Variants in MCF2L observed in about 807,000 individuals in gnomAD.
The protein encoded by MCF2L is MCF.2 cell line derived transforming sequence like.
In MCF2L, 97 loss-of-function variants were observed where a neutral mutation model predicts 153.4. The ratio of observed to expected loss-of-function variants is 0.63; its 90% CI spans 0.54 to 0.75. The LOEUF is 0.75. Among genes scored for constraint, MCF2L ranks in the 30% least tolerant of loss-of-function variants. The pLI, the probability that MCF2L is intolerant of heterozygous loss-of-function variation, is 0.00. For synonymous variants in MCF2L, 659 were observed against 632.2 expected (o/e 1.04, Z -0.64); for missense variants, 1,347 against 1,495.2 (o/e 0.90, Z 1.64).
At chr13:112,956,440 C>T (rs1216991055) in intron 2 of MCF2L, 1 of 152,228 alleles carries the variant, frequency 6.6e-6, no homozygotes, top group Non-Finnish European at 1.5e-5. Flanking sequence ...TGAAACCTCA[C>T]TGTTTAAAGA....
At chr13:112,963,601 C>G (rs929921431) in intron 2 of MCF2L, among the ~76,000 whole-genome samples, 21 of 152,204 alleles carry the variant, frequency 1.4e-4, no homozygotes, top group African/African-American at 4.8e-4. Flanking sequence ...TGTCTTGGTC[C>G]CTTTCCTGCT....
intron 1 of MCF2L, among the ~76,000 whole-genome samples, chr13:112,984,246 T>G (rs1417112609): frequency 6.6e-6 from 1 of 152,132 alleles, no homozygotes; most frequent in Non-Finnish European, 1.5e-5. Flanking sequence ...TCTCCTTTTT[T>G]TTTTTTTGAG....
intron 1 of MCF2L, among the ~76,000 whole-genome samples, chr13:112,988,040 A>G (rs879686655): frequency 2.0e-5 from 3 of 152,244 alleles, no homozygotes; most frequent in Non-Finnish European, 4.4e-5. Context: ...GAAGAGAGTC[A>G]CAGGGTCAGG....
rs1455249579 is a variant in MCF2L at position 113,051,075 on chromosome 13, C to G, written c.369+5714C>G. Among the ~76,000 whole-genome samples, 5 of 152,176 alleles carry G rather than the reference C, an allele frequency of 3.3e-5. No individual in the cohort carries two copies. In the East Asian group the frequency reaches 9.6e-4, roughly 29 times the overall value. The stretch of plus-strand genomic sequence containing the variant: ...GTGTGGCTGAGCTTTCTCAGAACAC[C>G]GCTGCTGTGTGCAGCAAGCACCTGC... On this transcript the variant is annotated intron_variant, in intron 4 of 29. Coordinates refer to ENST00000535094, the MANE Select transcript of MCF2L (RefSeq NM_001112732.3).
rs1056730379 is a variant in MCF2L, at chr13:112,977,782, G to A, written c.79+8324G>A. On this transcript the variant is annotated intron_variant, in intron 1 of 29. Transcript: ENST00000535094. ...TTCCGTGAATACAAAGCCTGTCTGC[G>A]TCTGTCCTTGTGGATGAAACCAACA... 7.9e-4 allele frequency among the ~76,000 whole-genome samples: 120 copies of A among 152,316 alleles called. 1 individual carries two copies. The highest frequency in any genetic ancestry group is 1.0e-4 in the Non-Finnish European group (7 of 68,032).
Position 113,064,695 on chromosome 13 carries a change from G to A in MCF2L, c.607-241G>A, listed in dbSNP as rs2032086964. The stretch of plus-strand genomic sequence containing the variant: ...TTGCAACACTCACTGCTCTCAACGG[G>A]GAGAGGCAGCGCAGGCACAGGCGAC... On this transcript the variant is annotated intron_variant, in intron 6 of 29. Coordinates refer to ENST00000535094, the MANE Select transcript of MCF2L (RefSeq NM_001112732.3). This position sits in a 1 kb window ranked among gnomAD's most constrained non-coding sequence, Gnocchi z 6.0. The A allele has an allele frequency of 1.7e-6, 1 of 599,862 alleles. No individual in the cohort carries two copies. Among genetic ancestry groups the A allele is most frequent in the Non-Finnish European group, 2.9e-6 (1 of 339,760 alleles). The allele number at this position is 599,862 out of a possible 1,614,324, so 37.2% of individuals were successfully genotyped here.
intron 21 of MCF2L, among the ~76,000 whole-genome samples, chr13:113,086,519 C>T (rs2034652374): frequency 6.6e-6 from 1 of 152,190 alleles, no homozygotes; most frequent in Non-Finnish European, 1.5e-5. Context: ...GCATCTCCAG[C>T]AGGAACGCAG....
intron 26 of MCF2L, chr13:113,090,494 C>T (rs2035103613): frequency 1.0e-6 from 1 of 984,640 alleles, no homozygotes; most frequent in South Asian, 4.7e-5. Context: ...GGGTGCTGAC[C>T]TTGCTGGCTG....
At chr13:113,094,332 T>G in intron 26 of MCF2L, 182 bp from the exon 27 acceptor site, 1 of 476,826 alleles carries the variant, frequency 2.1e-6, no homozygotes. Context: ...GTGCCAGGCA[T>G]TCTGGAAGTT....
intron 1 of MCF2L, among the ~76,000 whole-genome samples, chr13:112,900,885 G>T (rs2081113526): frequency 6.6e-6 from 1 of 151,144 alleles, no homozygotes; most frequent in African/African-American, 2.4e-5. Flanking sequence ...GCGCCTGTGG[G>T]GTGGTCTGGG....
Position 113,078,706 on chromosome 13 carries a change from GGGA to G in MCF2L, c.1785_1787del (p.Glu596del), listed in dbSNP as rs759372201. On this transcript the variant is annotated inframe_deletion, in exon 15 of 30. Coordinates refer to ENST00000535094, the MANE Select transcript of MCF2L (RefSeq NM_001112732.3). ...AGCCGGCAGGGCCGCGGCTCAGCGG[GGGA>G]GGAGGAGGAAAGCCTGGCCATCCTG... 1 of 1,609,438 alleles carries G rather than the reference GGGA, an allele frequency of 6.2e-7. No homozygotes were observed.
Position 113,064,820 on chromosome 13 carries a change from G to A in MCF2L, c.607-116G>A, listed in dbSNP as rs1411612635. 11 of 1,186,780 alleles carry A rather than the reference G, an allele frequency of 9.3e-6. No homozygotes were observed. The highest frequency in any genetic ancestry group is 1.2e-5 in the Non-Finnish European group (10 of 850,140). 73.5% of individuals were successfully genotyped at this position (1,186,780 alleles called of 1,614,324 possible). On this transcript the variant is annotated intron_variant, in intron 6 of 29. Coordinates refer to ENST00000535094, the MANE Select transcript of MCF2L (RefSeq NM_001112732.3). The surrounding 1 kb of genome is among the most constrained non-coding windows in gnomAD (Gnocchi z 6.0). ...GAGGGCGTTCACCGTCTTTGCGTCA[G>A]CCGGTCTCACCTGATGGGTCTGTGT...
chr13:112,914,464 C>T (rs1391238159), intron 2 of MCF2L, among the ~76,000 whole-genome samples: 1 of 152,248 alleles, frequency 6.6e-6, no homozygotes, highest in African/African-American at 2.4e-5. Context: ...TATACATGCC[C>T]TTCAGCGTGT....
intron 2 of MCF2L, among the ~76,000 whole-genome samples, chr13:112,944,735 C>T (rs571591935): frequency 6.6e-6 from 1 of 152,308 alleles, no homozygotes; most frequent in African/African-American, 2.4e-5. Flanking sequence ...ATCCGCCCGC[C>T]TCGGCCTCCC....
rs554893170 is a variant in MCF2L at position 112,907,261 on chromosome 13, G to C, written c.169+4890G>C. On this transcript the variant is annotated intron_variant, in intron 2 of 29. Transcript: ENST00000375608. This position sits in a 1 kb window ranked among gnomAD's most constrained non-coding sequence, Gnocchi z 5.1. ...GCAGCATTCAGATATGAGTCTCACA[G>C]AGGGGTTTGCAGAAACAATTAGCTG... is the stretch of plus-strand genomic sequence containing the variant. Among the ~76,000 whole-genome samples the C allele has an allele frequency of 1.1e-3, 172 of 152,348 alleles. 1 individual carries two copies. In the Middle Eastern group the frequency reaches 0.014, roughly 12 times the overall value.
rs116676926 is a variant in MCF2L, at chr13:113,064,730, C to T, written c.607-206C>T. On this transcript the variant is annotated intron_variant, in intron 6 of 29. Coordinates refer to ENST00000535094, the MANE Select transcript of MCF2L (RefSeq NM_001112732.3). This position sits in a 1 kb window ranked among gnomAD's most constrained non-coding sequence, Gnocchi z 6.0. ...CGCAGGCACAGGCGACTCTAGGTGA[C>T]GGGCACACGTGTAGAGTGTGCCTGG... 16 of 609,096 alleles carry T rather than the reference C, an allele frequency of 2.6e-5. No individual in the cohort carries two copies. The highest frequency in any genetic ancestry group is 4.4e-4 in the Middle Eastern group (1 of 2,270). The allele number at this position is 609,096 out of a possible 1,614,324, so 37.7% of individuals were successfully genotyped here.
At chr13:112,918,864 G>C (rs1330877774) in intron 2 of MCF2L, among the ~76,000 whole-genome samples, 1 of 152,148 alleles carries the variant, frequency 6.6e-6, no homozygotes, top group South Asian at 2.1e-4. Context: ...TCCCAGTGCA[G>C]GAGCTGAGGC....
At chr13:113,025,604 C>G (rs112158765) in intron 3 of MCF2L, among the ~76,000 whole-genome samples, 2 of 54,686 alleles carry the variant, frequency 3.7e-5, no homozygotes, top group Non-Finnish European at 7.6e-5. Flanking sequence ...GACTGTGGGT[C>G]GGGGCAGAGT....
At chr13:112,901,763 A>C (rs369486028) in intron 1 of MCF2L, among the ~76,000 whole-genome samples, 5 of 152,210 alleles carry the variant, frequency 3.3e-5, no homozygotes, top group African/African-American at 1.2e-4. Context: ...TACTTAGGGG[A>C]TTTAGAAATG....
Sources: gnomAD v4.1 joint callset for allele counts (sites outside exome capture counted in the v4.1 genomes callset) on GRCh38, gnomAD v4.1.1 for gene constraint, Gnocchi (gnomAD v3.1) non-coding constraint, MANE v1.5 for transcripts, NCBI Gene and HGNC (gene_info 2026-07-23, HGNC 2026-07-21) for gene names.